Variants in CASR observed in about 807,000 individuals in gnomAD.
The protein encoded by CASR is calcium sensing receptor.
Under a neutral mutation model 69.1 loss-of-function variants are expected in CASR, and 23 were observed. The observed-to-expected ratio is 0.33, with a 90% confidence interval of 0.24 to 0.47. The LOEUF (loss-of-function observed/expected upper bound fraction) is 0.47. Among genes scored for constraint, CASR ranks in the 20% least tolerant of loss-of-function variants. CASR has a pLI of 1.00. For missense variants in CASR, 924 were observed against 1,356.1 expected, an observed-to-expected ratio of 0.68 and a Z score of 5.00; for synonymous variants, 541 against 544.7, an observed-to-expected ratio of 0.99 and a Z score of 0.10.
At chr3:122,257,599 T>C in intron 3 of CASR, 1 of 530,214 alleles carries the variant, frequency 1.9e-6, no homozygotes, top group East Asian at 3.0e-5. Context: ...CTTCCAAAAT[T>C]CTTTTAAATG....
chr3:122,237,178 T>C (rs9839204), intron 1 of CASR, among the ~76,000 whole-genome samples: 3,162 of 150,952 alleles, frequency 0.021, 108 homozygotes, highest in African/African-American at 0.072. Flanking sequence ...GGTGTGATCT[T>C]GGCTCACTGC....
chr3:122,222,526 C>T (rs2074181964), intron 1 of CASR, among the ~76,000 whole-genome samples: 1 of 152,004 alleles, frequency 6.6e-6, no homozygotes, highest in African/African-American at 2.4e-5. Context: ...ATAAAGGATT[C>T]AATTCAACAA....
intron 1 of CASR, among the ~76,000 whole-genome samples, chr3:122,187,653 C>T (rs1402057594): frequency 2.0e-5 from 3 of 152,108 alleles, no homozygotes; most frequent in Non-Finnish European, 2.9e-5. Flanking sequence ...GAGGAGGTAA[C>T]GCTTGAGTTG....
intron 1 of CASR, among the ~76,000 whole-genome samples, chr3:122,197,944 T>G (rs373381710): frequency 3.9e-5 from 6 of 152,334 alleles, no homozygotes; most frequent in African/African-American, 1.4e-4. Flanking sequence ...CATTTAAGCC[T>G]TTGATTTGGG....
chr3:122,225,113 G>T (rs2107604338), intron 1 of CASR, among the ~76,000 whole-genome samples: 1 of 152,158 alleles, frequency 6.6e-6, no homozygotes, highest in Non-Finnish European at 1.5e-5. Flanking sequence ...CTATAAAAAT[G>T]TTAGTAGAAA....
intron 1 of CASR, among the ~76,000 whole-genome samples, chr3:122,230,369 C>G (rs534561500): frequency 2.0e-5 from 3 of 152,240 alleles, no homozygotes; most frequent in Non-Finnish European, 4.4e-5. Context: ...GCCGCCACAT[C>G]CGGGGTGAAA....
chr3:122,203,984 A>G (rs1358224391), intron 1 of CASR, among the ~76,000 whole-genome samples: 4 of 152,128 alleles, frequency 2.6e-5, no homozygotes, highest in African/African-American at 4.8e-5. Flanking sequence ...AATAATAGAC[A>G]TACATAGTTT....
intron 1 of CASR, among the ~76,000 whole-genome samples, chr3:122,241,892 T>A (rs931769869): frequency 1.3e-5 from 2 of 152,080 alleles, no homozygotes; most frequent in African/African-American, 4.8e-5. Context: ...AATCAATCAG[T>A]GTGATACATC....
intron 1 of CASR, among the ~76,000 whole-genome samples, chr3:122,199,806 C>T (rs1188375220): frequency 6.6e-6 from 1 of 151,750 alleles, no homozygotes; most frequent in Non-Finnish European, 1.5e-5. Flanking sequence ...AGAGCAAGTT[C>T]AAGTGCTCTA....
chr3:122,238,026 T>TC (rs1364787858), intron 1 of CASR, among the ~76,000 whole-genome samples: 1 of 151,944 alleles, frequency 6.6e-6, no homozygotes, highest in African/African-American at 2.4e-5. Flanking sequence ...CACTGATGGC[T>TC]CCCCCCTGCA....
intron 1 of CASR, among the ~76,000 whole-genome samples, chr3:122,196,633 G>A (rs539277198): frequency 7.9e-4 from 120 of 152,156 alleles, no homozygotes; most frequent in Middle Eastern, 3.4e-3. Context: ...GACCTCCCCA[G>A]GCTCAAGTGA....
chr3:122,272,121 AC>A (rs1257179164), intron 4 of CASR, among the ~76,000 whole-genome samples: 2 of 151,916 alleles, frequency 1.3e-5, no homozygotes, highest in African/African-American at 4.8e-5. Context: ...ACACACACAC[AC>A]ACACGAGTAG....
intron 1 of CASR, among the ~76,000 whole-genome samples, chr3:122,192,244 C>T (rs2073846869): frequency 6.6e-6 from 1 of 152,208 alleles, no homozygotes. Flanking sequence ...TGTCATGTAA[C>T]TGTCATGTAA....
In CASR at chr3:122,285,608, C is replaced by T; in HGVS notation, c.*417C>T. Reference sequence around the variant, plus strand: ...AAAGACAGAATGTCACCAGTCCTGCCCAATGCCTTGACAACAGACTGAATT... The same window carrying T: ...AAAGACAGAATGTCACCAGTCCTGCTCAATGCCTTGACAACAGACTGAATT... On this transcript the variant is annotated 3_prime_UTR_variant, in exon 7 of 7. Coordinates refer to ENST00000639785, the MANE Select transcript of CASR (RefSeq NM_000388.4). 4.7e-6 allele frequency: 1 copy of T among 213,554 alleles called. No homozygotes were observed. Among genetic ancestry groups the T allele is most frequent in the Non-Finnish European group, 9.5e-6 (1 of 104,944 alleles). The allele number at this position is 213,554 out of a possible 1,614,324, so 13.2% of individuals were successfully genotyped here.
chr3:122,257,981 T>C (rs891132677), intron 3 of CASR, among the ~76,000 whole-genome samples: 32 of 152,254 alleles, frequency 2.1e-4, no homozygotes, highest in South Asian at 4.1e-4. Flanking sequence ...GGTGGAGAGA[T>C]GGTTGCGTTT....
chr3:122,261,714 C>G lies in CASR; in HGVS notation c.679C>G (p.Arg227Gly), dbSNP rs1085307984. Residue 227 changes from arginine (R) to glycine (G), a missense_variant, in exon 4 of 7, where the codon CGA (arginine) becomes GGA (glycine). Physicochemically the swap from Arg to Gly is moderately radical, Grantham distance 125. This residue lies in a region of CASR where 141 missense variants were observed against 283.0 expected (regional missense o/e 0.50). Transcript: ENST00000639785. ...DYGRPGIEKF[R>G]EEAEERDICI... ...TGGGCGGCCGGGGATTGAGAAATTC[C>G]GAGAGGAAGCTGAGGAAAGGGATAT... 1 of 1,614,160 alleles carries G rather than the reference C, an allele frequency of 6.2e-7. No individual in the cohort carries two copies. The highest frequency in any genetic ancestry group is 1.7e-5 in the Admixed American group (1 of 60,018).
chr3:122,218,198 G>A (rs2074135535), intron 1 of CASR, among the ~76,000 whole-genome samples: 1 of 152,024 alleles, frequency 6.6e-6, no homozygotes, highest in Non-Finnish European at 1.5e-5. Context: ...AGAGTTGATG[G>A]TAGCTTAACA....
chr3:122,218,466 A>G (rs868049837), intron 1 of CASR, among the ~76,000 whole-genome samples: 3 of 150,600 alleles, frequency 2.0e-5, no homozygotes, highest in African/African-American at 7.3e-5. Flanking sequence ...CCAGGGAGGC[A>G]GAGGTTGCAG....
At chr3:122,223,634 C>T (rs1287127493) in intron 1 of CASR, among the ~76,000 whole-genome samples, 2 of 152,056 alleles carry the variant, frequency 1.3e-5, no homozygotes, top group Non-Finnish European at 2.9e-5. Flanking sequence ...TATTCCAATC[C>T]TACTGAAATT....
Sources: gnomAD v4.1 joint callset for allele counts (sites outside exome capture counted in the v4.1 genomes callset) on GRCh38, gnomAD v4.1.1 for gene constraint, gnomAD v4.1.1 regional missense constraint, MANE v1.5 for transcripts, NCBI Gene and HGNC (gene_info 2026-07-23, HGNC 2026-07-21) for gene names.